The following UMPS variants were observed in gnomAD, a reference collection of about 807,000 sequenced individuals.
The protein encoded by UMPS is uridine 5'-monophosphate synthase.
UMPS carries 21 observed loss-of-function variants against 38.9 expected under a neutral mutation model. The observed-to-expected ratio is 0.54, with a 90% confidence interval of 0.38 to 0.78. The LOEUF (loss-of-function observed/expected upper bound fraction) is 0.78, where lower values mean the gene tolerates loss of function less well. Among genes scored for constraint, UMPS ranks in the 30% least tolerant of loss-of-function variants. The probability of loss-of-function intolerance (pLI) is 0.00; values close to 1 mark genes in which losing one functional copy is unlikely to be tolerated. For synonymous variants in UMPS, 208 were observed against 219.3 expected, an observed-to-expected ratio of 0.95 and a Z score of 0.45; for missense variants, 533 against 591.6, an observed-to-expected ratio of 0.90 and a Z score of 1.03.
chr3:124,739,956 T>G, intron 3 of UMPS, 68 bp from the exon 4 acceptor site: 1 of 1,467,158 alleles, frequency 6.8e-7, no homozygotes, highest in Non-Finnish European at 9.5e-7. Context: ...TGTAGTTGGT[T>G]GGTTGGACAA....
chr3:124,731,780 C>T (rs542320100), intron 1 of UMPS, among the ~76,000 whole-genome samples: 27 of 151,710 alleles, frequency 1.8e-4, no homozygotes, highest in Non-Finnish European at 3.1e-4. Context: ...ACCTGTAATC[C>T]CAGCTACTCA....
At position 124,746,063 on chromosome 3, in the gene UMPS, CACATT is replaced by C. The variant is rs2063594632; in HGVS notation, c.*1980_*1984del. 2 of 454,040 alleles carry C rather than the reference CACATT, an allele frequency of 4.4e-6. No individual in the cohort carries two copies. Among genetic ancestry groups the C allele is most frequent in the East Asian group, 6.9e-5 (1 of 14,414 alleles). 28.1% of individuals were successfully genotyped at this position (454,040 alleles called of 1,614,324 possible). A position where few individuals can be genotyped will look rare whatever the true frequency, so the allele number is the denominator to read the frequency against. On this transcript the variant is annotated 3_prime_UTR_variant, in exon 6 of 6. Coordinates refer to ENST00000232607, the MANE Select transcript of UMPS (RefSeq NM_000373.4). ...TTTGAGAACCACTTCACTGGTTATTCACATTTCTGCCTCTGCAGTGAGACAGCCTT... is the reference window on the plus strand; with the variant it reads ...TTTGAGAACCACTTCACTGGTTATTCTCTGCCTCTGCAGTGAGACAGCCTT...
intron 3 of UMPS, among the ~76,000 whole-genome samples, chr3:124,738,990 A>G (rs2063536994): frequency 6.6e-6 from 1 of 152,240 alleles, no homozygotes; most frequent in Admixed American, 6.5e-5. Flanking sequence ...CTTTGAGGTA[A>G]CTTTTCTTTA....
intron 3 of UMPS, chr3:124,738,478 C>T (rs2063533547): frequency 3.9e-6 from 2 of 507,448 alleles, no homozygotes; most frequent in South Asian, 4.1e-5. Context: ...CCAAACCAAT[C>T]ACTCTAGCTT....
intron 2 of UMPS, among the ~76,000 whole-genome samples, chr3:124,736,761 GTTAAACTTACCAGTTGT>G (rs1219379666): frequency 6.6e-6 from 1 of 152,192 alleles, no homozygotes; most frequent in Non-Finnish European, 1.5e-5. Context: ...AGCTGATTCA[GTTAAACTTACCAGTTGT>G]TCAAGAAGCG....
rs548707392 is a variant in UMPS, at chr3:124,749,215, A to T, written c.*5131A>T. 135 of 453,904 alleles carry T rather than the reference A, an allele frequency of 3.0e-4. No individual in the cohort carries two copies. Among genetic ancestry groups the T allele is most frequent in the African/African-American group, 6.2e-4 (31 of 50,078 alleles). The allele number at this position is 453,904 out of a possible 1,614,324, so 28.1% of individuals were successfully genotyped here. On this transcript the variant is annotated 3_prime_UTR_variant, in exon 6 of 6. Coordinates refer to ENST00000232607, the MANE Select transcript of UMPS (RefSeq NM_000373.4). ...GCAGAGATGATGTTGAGTTAAAAAA[A>T]ATATATACATAAAAATATGGGTTCT...
rs1254585890 is a variant in UMPS at position 124,745,281 on chromosome 3, T to TGAGGTGCAGGAA, written c.*1198_*1199insAGGTGCAGGAAG. Reference sequence around the variant, plus strand: ...CATTCCTTCTCATTTGGGGCCCACCTGCAGGAAGTGGCACAGGATCAGCCA... The same window carrying TGAGGTGCAGGAA: ...CATTCCTTCTCATTTGGGGCCCACCTGAGGTGCAGGAAGCAGGAAGTGGCACAGGATCAGCCA... On this transcript the variant is annotated 3_prime_UTR_variant, in exon 6 of 6. Coordinates refer to ENST00000232607, the MANE Select transcript of UMPS (RefSeq NM_000373.4). 1.5e-5 allele frequency: 7 copies of TGAGGTGCAGGAA among 453,952 alleles called. No homozygotes were observed. The highest frequency in any genetic ancestry group is 2.6e-5 in the Non-Finnish European group (6 of 226,784). The allele number at this position is 453,952 out of a possible 1,614,324, so 28.1% of individuals were successfully genotyped here. A position where few individuals can be genotyped will look rare whatever the true frequency, so the allele number is the denominator to read the frequency against.
Position 124,730,523 on chromosome 3 carries a change from G to T in UMPS, c.52G>T (p.Val18Leu). The T allele has an allele frequency of 6.2e-7, 1 of 1,614,168 alleles. No individual in the cohort carries two copies. Among genetic ancestry groups the T allele is most frequent in the East Asian group, 2.2e-5 (1 of 44,886 alleles). ...LGPLVTGLYDVQAFKFGDFVL... is the reference protein window; with the variant it reads ...LGPLVTGLYDLQAFKFGDFVL... ...GCCATTGGTGACGGGTCTGTACGACGTGCAGGCTTTCAAGTTTGGGGACTT... is the reference window on the plus strand; with the variant it reads ...GCCATTGGTGACGGGTCTGTACGACTTGCAGGCTTTCAAGTTTGGGGACTT... The change falls in exon 1 of 6, where the codon GTG becomes TTG. Residue 18 changes from valine to leucine, a missense_variant. Val to Leu is a conservative substitution (Grantham distance 32). Coordinates refer to ENST00000232607, the MANE Select transcript of UMPS (RefSeq NM_000373.4).
chr3:124,738,870 A>C (rs1559905671), intron 3 of UMPS: 1 of 152,526 alleles, frequency 6.6e-6, no homozygotes, highest in Non-Finnish European at 1.5e-5. Context: ...ATTCTATGCA[A>C]ATTTCTGTCT....
In UMPS at chr3:124,748,158, T is replaced by G; in HGVS notation, c.*4074T>G. 1 of 448,992 alleles carries G rather than the reference T, an allele frequency of 2.2e-6. No individual in the cohort carries two copies. Among genetic ancestry groups the G allele is most frequent in the South Asian group, 1.6e-5 (1 of 62,658 alleles). The allele number at this position is 448,992 out of a possible 1,614,324, so 27.8% of individuals were successfully genotyped here. A position where few individuals can be genotyped will look rare whatever the true frequency, so the allele number is the denominator to read the frequency against. On this transcript the variant is annotated 3_prime_UTR_variant, in exon 6 of 6. Coordinates refer to ENST00000232607, the MANE Select transcript of UMPS (RefSeq NM_000373.4). ...TTGCCCAGGCTGGTCTCGAACTCCT[T>G]AGCTCAAGTGATCCTCCTGCCTTGG...
Position 124,745,232 on chromosome 3 carries a change from G to A in UMPS, c.*1148G>A, listed in dbSNP as rs1216928825. 2.2e-6 allele frequency: 1 copy of A among 454,014 alleles called. No individual in the cohort carries two copies. Among genetic ancestry groups the A allele is most frequent in the Non-Finnish European group, 4.4e-6 (1 of 226,814 alleles). 28.1% of individuals were successfully genotyped at this position (454,014 alleles called of 1,614,324 possible). ...CAGGGGCAGGGTGAGGGCTGTCCCG[G>A]TGCTCATTGCACCAGCACACTCACA... On this transcript the variant is annotated 3_prime_UTR_variant, in exon 6 of 6. Transcript: ENST00000232607.
Position 124,730,501 on chromosome 3 carries a change from A to G in UMPS, c.30A>G (p.Pro10=), listed in dbSNP as rs778459759. MAVARAALG[P]LVTGLYDVQA... ...CGGTCGCTCGTGCAGCTTTGGGGCC[A>G]TTGGTGACGGGTCTGTACGACGTGC... Residue 10 remains proline, a synonymous_variant, in exon 1 of 6, where the codon CCA becomes CCG. Coordinates refer to ENST00000232607, the MANE Select transcript of UMPS (RefSeq NM_000373.4). 8 of 1,614,162 alleles carry G rather than the reference A, an allele frequency of 5.0e-6. No individual in the cohort carries two copies. The highest frequency in any genetic ancestry group is 1.7e-5 in the Admixed American group (1 of 60,030).
Position 124,738,115 on chromosome 3 carries a change from T to A in UMPS, c.858T>A (p.Ile286=), listed in dbSNP as rs1175826147. ...SICMLKTHVD[I]LNDFTLDVMK... is the part of the protein sequence containing the mutation. ...GCATGCTGAAGACTCATGTAGATAT[T>A]TTGAATGATTTTACTCTGGATGTGA... Residue 286 remains isoleucine, a synonymous_variant, in exon 3 of 6, where the codon ATT becomes ATA. Coordinates refer to ENST00000232607, the MANE Select transcript of UMPS (RefSeq NM_000373.4). 26 of 1,614,100 alleles carry A rather than the reference T, an allele frequency of 1.6e-5. No homozygotes were observed. Among genetic ancestry groups the A allele is most frequent in the Non-Finnish European group, 2.1e-5 (25 of 1,180,054 alleles).
At position 124,744,525 on chromosome 3, in the gene UMPS, C is replaced by A; in HGVS notation, c.*441C>A. On this transcript the variant is annotated 3_prime_UTR_variant, in exon 6 of 6. Coordinates refer to ENST00000232607, the MANE Select transcript of UMPS (RefSeq NM_000373.4). Reference sequence around the variant, plus strand: ...GACCTCCCAGGTGATCCTCCCACCTCAGCTTCCAGATTAGCTGGTGCTATA... The same window carrying A: ...GACCTCCCAGGTGATCCTCCCACCTAAGCTTCCAGATTAGCTGGTGCTATA... 2.2e-6 allele frequency: 1 copy of A among 454,116 alleles called. No individual in the cohort carries two copies. Among genetic ancestry groups the A allele is most frequent in the South Asian group, 1.6e-5 (1 of 64,478 alleles). The allele number at this position is 454,116 out of a possible 1,614,324, so 28.1% of individuals were successfully genotyped here.
intron 5 of UMPS, among the ~76,000 whole-genome samples, chr3:124,743,136 C>A (rs1287841635): frequency 1.3e-5 from 2 of 152,042 alleles, no homozygotes; most frequent in Admixed American, 1.3e-4. Flanking sequence ...GAGTTCAAGA[C>A]CAGCTTGGCC....
rs1419903099 is a variant in UMPS, at chr3:124,749,255, G to A, written c.*5171G>A. ...ATATGGGTTCTTTTCAACCTGAATA[G>A]ATGGCCTAAAAATTCAAACTTGCCT... On this transcript the variant is annotated 3_prime_UTR_variant, in exon 6 of 6. Transcript: ENST00000232607. 1 of 450,000 alleles carries A rather than the reference G, an allele frequency of 2.2e-6. No individual in the cohort carries two copies. The highest frequency in any genetic ancestry group is 1.6e-5 in the South Asian group (1 of 63,694). The allele number at this position is 450,000 out of a possible 1,614,324, so 27.9% of individuals were successfully genotyped here.
Position 124,738,172 on chromosome 3 carries a change from TGA to T in UMPS, c.917_918del (p.Glu306ValfsTer5). On this transcript the variant is annotated frameshift_variant, in exon 3 of 6. Transcript: ENST00000232607. LOFTEE classifies it high-confidence loss of function. ...KELITLAKCH[E>X]FLIFEDRKFA... ...AGTTGATAACTCTGGCAAAATGCCA[TGA>T]GTTCTTGATATTTGAAGACCGGAAG... 6.2e-7 allele frequency: 1 copy of T among 1,614,208 alleles called. No homozygotes were observed. The highest frequency in any genetic ancestry group is 8.5e-7 in the Non-Finnish European group (1 of 1,180,038).
chr3:124,730,463 C>T lies in UMPS; in HGVS notation c.-9C>T. ...CTGGGAATTTGAAGCAAACAGGCAG[C>T]GCGCGACAATGGCGGTCGCTCGTGC... On this transcript the variant is annotated 5_prime_UTR_variant, in exon 1 of 6. Transcript: ENST00000232607. 3 of 1,613,970 alleles carry T rather than the reference C, an allele frequency of 1.9e-6. No homozygotes were observed. In the South Asian group the frequency reaches 3.3e-5, roughly 18 times the overall value.
At chr3:124,735,947 A>T (rs569886400) in intron 2 of UMPS, among the ~76,000 whole-genome samples, 1 of 152,194 alleles carries the variant, frequency 6.6e-6, no homozygotes, top group South Asian at 2.1e-4. Context: ...ACTGCACTCC[A>T]GCCTGGGCGA....
Sources: allele counts gnomAD v4.1 joint callset (sites outside exome capture counted in the v4.1 genomes callset), GRCh38; gene constraint gnomAD v4.1.1; transcripts MANE v1.5; gene names NCBI Gene and HGNC (gene_info 2026-07-23, HGNC 2026-07-21).